Variants in CNTN1 observed in about 807,000 individuals in gnomAD.
CNTN1 encodes contactin-1.
Under a neutral mutation model 126.4 loss-of-function variants are expected in CNTN1, and 38 were observed. The observed-to-expected ratio is 0.30, with a 90% CI of 0.23 to 0.39. The LOEUF is 0.39. Among genes scored for constraint, CNTN1 ranks in the 10% least tolerant of loss-of-function variants. CNTN1 has a pLI of 1.00. For missense variants in CNTN1, 1,009 were observed against 1,248.4 expected (o/e 0.81, Z 2.89); for synonymous variants, 413 against 422.6 (o/e 0.98, Z 0.28).
At chr12:40,693,576 G>A (rs1290695264) in intron 1 of CNTN1, among the ~76,000 whole-genome samples, 2 of 152,196 alleles carry the variant, frequency 1.3e-5, no homozygotes, top group Non-Finnish European at 2.9e-5. Context: ...TGGGATGATG[G>A]GAAAGAGGGA....
chr12:40,975,875 G>A (rs1284254990), intron 15 of CNTN1, among the ~76,000 whole-genome samples: 2 of 152,142 alleles, frequency 1.3e-5, no homozygotes, highest in African/African-American at 2.4e-5. Context: ...ACAATTAGTG[G>A]TATCCACTCT....
chr12:41,013,709 G>A (rs143292280), intron 17 of CNTN1, among the ~76,000 whole-genome samples: 1 of 152,288 alleles, frequency 6.6e-6, no homozygotes, highest in Admixed American at 6.5e-5. Flanking sequence ...GAGAACGGGG[G>A]AGAGAGTACT....
chr12:41,024,241 GTTAA>G (rs1369784122), intron 20 of CNTN1, among the ~76,000 whole-genome samples: 1 of 152,078 alleles, frequency 6.6e-6, no homozygotes, highest in Non-Finnish European at 1.5e-5. Context: ...AGGCATTTTG[GTTAA>G]TTGTGAAATT....
chr12:40,972,016 A>G (rs1003251192), intron 15 of CNTN1: 4 of 986,728 alleles, frequency 4.1e-6, no homozygotes, highest in South Asian at 4.7e-5. Context: ...AGTACCATAC[A>G]TATTCTTTGG....
At chr12:40,975,940 G>GT (rs2137056640) in intron 15 of CNTN1, among the ~76,000 whole-genome samples, 1 of 152,274 alleles carries the variant, frequency 6.6e-6, no homozygotes, top group African/African-American at 2.4e-5. Context: ...AGCATAAATA[G>GT]TAGGGATATG....
intron 1 of CNTN1, among the ~76,000 whole-genome samples, chr12:40,835,148 T>G (rs117403092): frequency 6.6e-6 from 1 of 152,226 alleles, no homozygotes; most frequent in African/African-American, 2.4e-5. Flanking sequence ...ATAATAGCAG[T>G]GTCTCAATGA....
chr12:40,779,319 T>C (rs1047057604), intron 1 of CNTN1, among the ~76,000 whole-genome samples: 1 of 151,856 alleles, frequency 6.6e-6, no homozygotes, highest in Non-Finnish European at 1.5e-5. Flanking sequence ...GTGTGCTACT[T>C]CTCATTCTTA....
chr12:40,757,540 T>G (rs1938661684), intron 1 of CNTN1, among the ~76,000 whole-genome samples: 1 of 152,202 alleles, frequency 6.6e-6, no homozygotes, highest in South Asian at 2.1e-4. Context: ...TGTCAGTTAT[T>G]ACTTCAAGCA....
rs192503509 is a variant in CNTN1 at position 40,752,664 on chromosome 12, G to A, written c.-77+60072G>A. Among the ~76,000 whole-genome samples, 396 of 151,984 alleles carry A rather than the reference G, an allele frequency of 2.6e-3. 2 individuals carry two copies. Among genetic ancestry groups the A allele is most frequent in the Admixed American group, 3.3e-3 (50 of 15,254 alleles). On this transcript the variant is annotated intron_variant, in intron 1 of 23. Coordinates refer to ENST00000551295, the MANE Select transcript of CNTN1 (RefSeq NM_001843.4). The stretch of plus-strand genomic sequence containing the variant: ...GTTTATAATTCTAATCTTGATTCCA[G>A]GAAGTTTCCATAATTTTGATGATTA...
chr12:40,895,703 GA>G (rs1171809436), intron 1 of CNTN1, among the ~76,000 whole-genome samples: 1 of 151,440 alleles, frequency 6.6e-6, no homozygotes, highest in African/African-American at 2.4e-5. Flanking sequence ...GGGGACACAA[GA>G]AAACCATAGC....
At chr12:40,713,130 A>T (rs10784813) in intron 1 of CNTN1, among the ~76,000 whole-genome samples, 2 of 152,022 alleles carry the variant, frequency 1.3e-5, no homozygotes, top group African/African-American at 2.4e-5. Context: ...TGCTCAGGAC[A>T]TTATTTTTGC....
At chr12:40,864,042 C>CA (rs1943212639) in intron 1 of CNTN1, among the ~76,000 whole-genome samples, 1 of 81,172 alleles carries the variant, frequency 1.2e-5, no homozygotes, top group South Asian at 4.2e-4. Flanking sequence ...TTTTTTTTGA[C>CA]AGAGTTTTGC....
At chr12:40,891,748 T>C (rs1310151204) in intron 1 of CNTN1, among the ~76,000 whole-genome samples, 2 of 152,182 alleles carry the variant, frequency 1.3e-5, no homozygotes, top group Admixed American at 6.5e-5. Flanking sequence ...TCTATGTATC[T>C]GTATTTTTCA....
chr12:40,898,751 T>A (rs1228282642), intron 1 of CNTN1, among the ~76,000 whole-genome samples: 12 of 152,234 alleles, frequency 7.9e-5, no homozygotes, highest in Admixed American at 7.9e-4. Context: ...ATAGGAGTTA[T>A]GAGATCATCA....
At chr12:41,012,652 T>C (rs930873412) in intron 17 of CNTN1, among the ~76,000 whole-genome samples, 1 of 152,146 alleles carries the variant, frequency 6.6e-6, no homozygotes, top group Non-Finnish European at 1.5e-5. Flanking sequence ...AAGCAACCCA[T>C]GGGTTCTCCA....
chr12:40,759,965 G>A (rs2136414170), intron 1 of CNTN1, among the ~76,000 whole-genome samples: 1 of 151,990 alleles, frequency 6.6e-6, no homozygotes, highest in Non-Finnish European at 1.5e-5. Flanking sequence ...TGGCCACCAG[G>A]TTCTGTCTTA....
chr12:40,728,018 C>G (rs1321771031), intron 1 of CNTN1, among the ~76,000 whole-genome samples: 2 of 152,078 alleles, frequency 1.3e-5, no homozygotes, highest in Non-Finnish European at 2.9e-5. Flanking sequence ...TCTTCTTAGG[C>G]CAGGACAGTT....
intron 15 of CNTN1, 101 bp from the exon 16 acceptor site, chr12:40,980,808 A>G (rs1007969051): frequency 1.3e-5 from 14 of 1,087,966 alleles, no homozygotes; most frequent in African/African-American, 9.3e-5. Context: ...TATTGGACAA[A>G]TGTTCTTTAG....
chr12:40,986,636 TCTC>T (rs1414445190), intron 16 of CNTN1, among the ~76,000 whole-genome samples: 3 of 152,160 alleles, frequency 2.0e-5, no homozygotes, highest in Admixed American at 2.0e-4. Context: ...TTTACTCAGT[TCTC>T]CTTCTCTTCC....
Sources: allele counts gnomAD v4.1 joint callset (sites outside exome capture counted in the v4.1 genomes callset), GRCh38; gene constraint gnomAD v4.1.1; transcripts MANE v1.5; gene names NCBI Gene and HGNC (gene_info 2026-07-23, HGNC 2026-07-21).